COL21A1: variants seen among roughly 807,000 people sequenced by gnomAD.
COL21A1 encodes the protein collagen alpha-1(XXI) chain.
COL21A1 carries 149 observed loss-of-function variants against 137.9 expected under a neutral mutation model. The observed-to-expected ratio is 1.08, with a 90% CI of 0.95 to 1.24. COL21A1 has a LOEUF of 1.24. Ranked by LOEUF, COL21A1 falls within the 50% of genes most tolerant of loss-of-function variation. The pLI is 0.00. For synonymous variants in COL21A1, 456 were observed against 391.5 expected, an observed-to-expected ratio of 1.16 and a Z score of -1.95; for missense variants, 1,167 against 1,158.4, an observed-to-expected ratio of 1.01 and a Z score of -0.11.
intron 1 of COL21A1, among the ~76,000 whole-genome samples, chr6:56,363,065 A>G (rs1244894541): frequency 6.6e-6 from 1 of 152,208 alleles, no homozygotes; most frequent in Non-Finnish European, 1.5e-5. Context: ...TCCTAGAAAC[A>G]TGAATGTTTG....
Position 56,124,124 on chromosome 6 carries a change from T to C in COL21A1, c.1705-9A>G, listed in dbSNP as rs1278190999. The C allele has an allele frequency of 3.9e-6, 6 of 1,539,462 alleles. No individual in the cohort carries two copies. The highest frequency in any genetic ancestry group is 5.3e-6 in the Non-Finnish European group (6 of 1,140,258). ...TGTCTTCCTGGTTCTCCCTAAAAAA[T>C]AAATACATATGCTTTAATATATTTT... On this transcript the variant is annotated splice_polypyrimidine_tract_variant and intron_variant, in intron 15 of 29. Coordinates refer to ENST00000244728, the MANE Select transcript of COL21A1 (RefSeq NM_030820.4).
At chr6:56,332,594 G>A (rs898248761) in intron 1 of COL21A1, among the ~76,000 whole-genome samples, 21 of 140,148 alleles carry the variant, frequency 1.5e-4, no homozygotes, top group African/African-American at 6.0e-4. Flanking sequence ...CCCCGCCCCC[G>A]CCAAAAAGGG....
At chr6:56,057,926 C>CT in intron 29 of COL21A1, 82 bp from the exon 30 acceptor site, 1 of 939,874 alleles carries the variant, frequency 1.1e-6, no homozygotes, top group Non-Finnish European at 1.5e-6. Flanking sequence ...GAAACTTAAA[C>CT]TGAAAAAAAA....
At chr6:56,154,185 T>A (rs1775556688) in intron 10 of COL21A1, among the ~76,000 whole-genome samples, 1 of 152,184 alleles carries the variant, frequency 6.6e-6, no homozygotes, top group African/African-American at 2.4e-5. Context: ...CCCCTTGTTC[T>A]CCTGCTCACT....
intron 1 of COL21A1, among the ~76,000 whole-genome samples, chr6:56,392,700 A>T (rs912929068): frequency 2.0e-5 from 3 of 152,184 alleles, no homozygotes; most frequent in Non-Finnish European, 2.9e-5. Context: ...TTCTAAAAAC[A>T]GTGAATAATC....
intron 10 of COL21A1, among the ~76,000 whole-genome samples, chr6:56,142,487 A>G (rs1278879417): frequency 6.6e-6 from 1 of 152,174 alleles, no homozygotes; most frequent in Non-Finnish European, 1.5e-5. Context: ...TGGTTATGAC[A>G]TATCCTCCAT....
chr6:56,179,522 TA>T, intron 3 of COL21A1, 55 bp downstream of exon 3: 2 of 1,332,234 alleles, frequency 1.5e-6, no homozygotes, highest in Non-Finnish European at 2.1e-6. Flanking sequence ...TATCAAAATG[TA>T]AAAAGCACAA....
At chr6:56,100,664 A>G (rs1230632846) in intron 17 of COL21A1, among the ~76,000 whole-genome samples, 3 of 152,140 alleles carry the variant, frequency 2.0e-5, no homozygotes, top group Non-Finnish European at 2.9e-5. Flanking sequence ...ATAGCATTAT[A>G]TAGAACTTGG....
intron 12 of COL21A1, among the ~76,000 whole-genome samples, chr6:56,130,884 A>G (rs946247872): frequency 6.6e-6 from 1 of 152,200 alleles, no homozygotes; most frequent in African/African-American, 2.4e-5. Context: ...ATTATACTCA[A>G]TCAAGTTATT....
At chr6:56,134,341 G>A (rs1246128081) in intron 12 of COL21A1, among the ~76,000 whole-genome samples, 1 of 152,110 alleles carries the variant, frequency 6.6e-6, no homozygotes, top group African/African-American at 2.4e-5. Context: ...CTTCGTTTTG[G>A]TCAATTTCTC....
At chr6:56,317,359 A>G (rs910093979) in intron 1 of COL21A1, among the ~76,000 whole-genome samples, 5 of 152,106 alleles carry the variant, frequency 3.3e-5, no homozygotes, top group African/African-American at 4.8e-5. Flanking sequence ...TATTTTCTCA[A>G]TAACACTGTG....
At chr6:56,074,722 A>C (rs1428974049) in intron 19 of COL21A1, among the ~76,000 whole-genome samples, 2 of 151,520 alleles carry the variant, frequency 1.3e-5, no homozygotes, top group South Asian at 2.1e-4. Flanking sequence ...CTCTCTGGAT[A>C]ATCTTTCTTC....
At chr6:56,262,750 T>C (rs1452424795) in intron 1 of COL21A1, among the ~76,000 whole-genome samples, 3 of 152,166 alleles carry the variant, frequency 2.0e-5, no homozygotes, top group East Asian at 3.9e-4. Context: ...AGCACTACTA[T>C]TAGTCTAAAA....
chr6:56,141,962 T>C lies in COL21A1; in HGVS notation c.1456A>G (p.Thr486Ala), dbSNP rs1158653387. The C allele has an allele frequency of 3.9e-6, 6 of 1,536,958 alleles. No homozygotes were observed. The highest frequency in any genetic ancestry group is 5.3e-6 in the Non-Finnish European group (6 of 1,137,268). The change falls in exon 11 of 30, where the codon ACA (threonine) becomes GCA (alanine). Residue 486 changes from threonine (T) to alanine (A), a missense_variant. By Grantham distance (58) the Thr-to-Ala change is moderately conservative. Coordinates refer to ENST00000244728, the MANE Select transcript of COL21A1 (RefSeq NM_030820.4). The stretch of plus-strand genomic sequence containing the variant: ...CCTGGAGATCCTGGAACACCTGGTG[T>C]CCCTGCAATTCCCTGATATCCCTAA... ...GKPGYQGIAG[T>A]PGVPGSPGIQ... is the part of the protein sequence containing the mutation.
chr6:56,255,063 T>C lies in COL21A1; in HGVS notation c.-38-72407A>G, dbSNP rs529571365. Among the ~76,000 whole-genome samples, 274 of 152,314 alleles carry C rather than the reference T, an allele frequency of 1.8e-3. 3 individuals carry two copies. The South Asian group carries it at 0.024, about 13-fold the overall frequency. On this transcript the variant is annotated intron_variant, in intron 1 of 28. Transcript: ENST00000370819. ...TACTCTACTATACAGGTCACTTCAA[T>C]TAAATTTAAGAGATATTTCATTATA...
chr6:56,347,051 G>C (rs1582796913), intron 1 of COL21A1, among the ~76,000 whole-genome samples: 3 of 152,102 alleles, frequency 2.0e-5, no homozygotes, highest in Admixed American at 2.0e-4. Context: ...CACAACTTCT[G>C]CATTGCTTTT....
chr6:56,164,513 A>T lies in COL21A1; in HGVS notation c.1288-7T>A. On this transcript the variant is annotated splice_polypyrimidine_tract_variant and splice_region_variant and intron_variant, in intron 8 of 29. Coordinates refer to ENST00000244728, the MANE Select transcript of COL21A1 (RefSeq NM_030820.4). ...CACTGGGACCATTAAGGCACTATAAAGACAAAAATGGAAACAGACAACAAG... is the reference window on the plus strand; with the variant it reads ...CACTGGGACCATTAAGGCACTATAATGACAAAAATGGAAACAGACAACAAG... 1 of 1,567,512 alleles carries T rather than the reference A, an allele frequency of 6.4e-7. No homozygotes were observed. Among genetic ancestry groups the T allele is most frequent in the Non-Finnish European group, 8.7e-7 (1 of 1,151,756 alleles).
intron 1 of COL21A1, among the ~76,000 whole-genome samples, chr6:56,339,829 A>G (rs1765425996): frequency 6.6e-6 from 1 of 152,232 alleles, no homozygotes; most frequent in Non-Finnish European, 1.5e-5. Context: ...TGGTTTTGTC[A>G]TCATTCTTTA....
chr6:56,275,437 G>C (rs1375303620), intron 1 of COL21A1, among the ~76,000 whole-genome samples: 2 of 151,932 alleles, frequency 1.3e-5, no homozygotes, highest in African/African-American at 4.8e-5. Context: ...CCTACAAACG[G>C]GGAGAAAATA....
Sources: gnomAD v4.1 joint callset for allele counts (sites outside exome capture counted in the v4.1 genomes callset) on GRCh38, gnomAD v4.1.1 for gene constraint, MANE v1.5 for transcripts, NCBI Gene and HGNC (gene_info 2026-07-23, HGNC 2026-07-21) for gene names.